RIPOR2: variants seen among roughly 807,000 people sequenced by gnomAD.
The protein encoded by RIPOR2 is rho family-interacting cell polarization regulator 2.
Under a neutral mutation model 114.5 loss-of-function variants are expected in RIPOR2, and 39 were observed. The ratio of observed to expected loss-of-function variants is 0.34; its 90% CI spans 0.26 to 0.44. RIPOR2 has a LOEUF of 0.44. Among genes scored for constraint, RIPOR2 ranks in the 20% least tolerant of loss-of-function variants. The probability of loss-of-function intolerance (pLI) is 1.00; values close to 1 mark genes in which losing one functional copy is unlikely to be tolerated. For missense variants in RIPOR2, 1,007 were observed against 1,255.1 expected (o/e 0.80, Z 2.99); for synonymous variants, 445 against 484.4 (o/e 0.92, Z 1.07).
chr6:24,893,187 G>A (rs1014227870), intron 1 of RIPOR2, among the ~76,000 whole-genome samples: 3 of 152,216 alleles, frequency 2.0e-5, no homozygotes, highest in South Asian at 2.1e-4. Flanking sequence ...GCCAATTTTT[G>A]TAACTGGGTG....
Position 25,009,206 on chromosome 6 carries a change from C to T in RIPOR2, c.76+32645G>A, listed in dbSNP as rs566703502. On this transcript the variant is annotated intron_variant, in intron 1 of 13. Transcript: ENST00000510784. ...CAAAGGGAAGAGGAGCTTACTAAGA[C>T]CAGTGTCAAAAACAGGAGAAGACCT... Among the ~76,000 whole-genome samples, 298 of 152,304 alleles carry T rather than the reference C, an allele frequency of 2.0e-3. 2 individuals are homozygous for T. The highest frequency in any genetic ancestry group is 2.2e-3 in the Non-Finnish European group (150 of 68,020).
At chr6:24,873,084 G>T in intron 3 of RIPOR2, 125 bp from the exon 4 acceptor site, 1 of 651,286 alleles carries the variant, frequency 1.5e-6, no homozygotes, top group Non-Finnish European at 2.7e-6. Flanking sequence ...TTGGGCAGGA[G>T]GCTTTGTATT....
At chr6:24,824,780 TTAG>T (rs1273687385) in intron 19 of RIPOR2, among the ~76,000 whole-genome samples, 9 of 152,214 alleles carry the variant, frequency 5.9e-5, no homozygotes, top group Non-Finnish European at 1.2e-4. Flanking sequence ...CATAATATTT[TTAG>T]AGTTGGACAC....
intron 1 of RIPOR2, among the ~76,000 whole-genome samples, chr6:24,881,831 C>T (rs542776224): frequency 2.6e-5 from 4 of 152,076 alleles, no homozygotes; most frequent in Middle Eastern, 3.4e-3. Flanking sequence ...TGGACAAGAA[C>T]ACTGAATCTG....
intron 1 of RIPOR2, among the ~76,000 whole-genome samples, chr6:24,924,367 G>C (rs369177416): frequency 2.0e-5 from 3 of 152,116 alleles, no homozygotes; most frequent in Non-Finnish European, 4.4e-5. Context: ...GTGTGAACTC[G>C]AAGCATCATA....
chr6:24,977,056 G>T (rs1774094288), intron 1 of RIPOR2: 2 of 1,385,768 alleles, frequency 1.4e-6, no homozygotes, highest in African/African-American at 1.4e-5. Flanking sequence ...CACCCCATTT[G>T]CTTGCAGTAT....
chr6:24,868,371 T>C lies in RIPOR2; in HGVS notation c.501+723A>G, dbSNP rs116143830. Among the ~76,000 whole-genome samples, 560 of 152,096 alleles carry C rather than the reference T, an allele frequency of 3.7e-3. 7 individuals carry two copies. Among genetic ancestry groups the C allele is most frequent in the Middle Eastern group, 0.02 (6 of 294 alleles). ...GAGAGATCTGCTAAAACTCCCAGGC[T>C]CCCCACTTGGAAGAGAGGCTGATAG... On this transcript the variant is annotated intron_variant, in intron 6 of 21. Transcript: ENST00000643898.
At chr6:24,949,689 G>A (rs1772647575) in intron 1 of RIPOR2, among the ~76,000 whole-genome samples, 1 of 152,180 alleles carries the variant, frequency 6.6e-6, no homozygotes, top group Non-Finnish European at 1.5e-5. Context: ...GAAACCCATG[G>A]TGGCAATGGG....
intron 1 of RIPOR2, among the ~76,000 whole-genome samples, chr6:24,899,776 A>G (rs1768227408): frequency 6.6e-6 from 1 of 151,866 alleles, no homozygotes; most frequent in Non-Finnish European, 1.5e-5. Context: ...TTTTTTCTCC[A>G]TTTTCCTCCC....
chr6:25,021,153 CCAG>C (rs1353259362), intron 1 of RIPOR2, among the ~76,000 whole-genome samples: 10 of 152,322 alleles, frequency 6.6e-5, no homozygotes, highest in Admixed American at 2.0e-4. Flanking sequence ...GCCACTGCAT[CCAG>C]CTAGTTTAAT....
At chr6:24,846,430 T>C (rs1762295214) in intron 12 of RIPOR2, among the ~76,000 whole-genome samples, 1 of 150,544 alleles carries the variant, frequency 6.6e-6, no homozygotes, top group Non-Finnish European at 1.5e-5. Flanking sequence ...TTCAGTCTCC[T>C]GGGTAGTTGG....
intron 1 of RIPOR2, among the ~76,000 whole-genome samples, chr6:25,012,245 T>G (rs1775804224): frequency 6.6e-6 from 1 of 152,186 alleles, no homozygotes; most frequent in Non-Finnish European, 1.5e-5. Flanking sequence ...CTTGAGAATG[T>G]GGAGAAATTG....
chr6:24,922,729 G>A (rs527735901), intron 1 of RIPOR2, among the ~76,000 whole-genome samples: 2 of 151,498 alleles, frequency 1.3e-5, no homozygotes, highest in African/African-American at 4.9e-5. Context: ...GTGTGTTGGC[G>A]TGCACCTGTA....
At chr6:24,811,621 G>A (rs1021850847) in intron 20 of RIPOR2, among the ~76,000 whole-genome samples, 10 of 151,222 alleles carry the variant, frequency 6.6e-5, no homozygotes, top group Non-Finnish European at 1.5e-4. Context: ...CATTGAAAGG[G>A]AAACATCCAT....
chr6:24,850,559 G>T, intron 10 of RIPOR2, 38 bp downstream of exon 10: 1 of 1,612,486 alleles, frequency 6.2e-7, no homozygotes, highest in East Asian at 2.2e-5. Flanking sequence ...ATCCAGCCGT[G>T]GCACCAGGAA....
rs556326544 is a variant in RIPOR2, at chr6:24,823,444, G to A, written c.2868+1782C>T. ...ATAAGACAGCTAAGTGATGCTGCAC[G>A]GTGCCTGGTGTTTAGGAAGTACACA... On this transcript the variant is annotated intron_variant, in intron 19 of 21. Coordinates refer to ENST00000643898, the MANE Select transcript of RIPOR2 (RefSeq NM_001286445.3). 3.9e-4 allele frequency among the ~76,000 whole-genome samples: 60 copies of A among 152,210 alleles called. No homozygotes were observed. In the Middle Eastern group the frequency reaches 0.014, roughly 35 times the overall value.
At chr6:24,867,824 A>G (rs1394874969) in intron 6 of RIPOR2, among the ~76,000 whole-genome samples, 1 of 152,230 alleles carries the variant, frequency 6.6e-6, no homozygotes, top group Non-Finnish European at 1.5e-5. Flanking sequence ...AAACTGATTA[A>G]TTGAATCATT....
At position 24,839,103 on chromosome 6, in the gene RIPOR2, G is replaced by A; in HGVS notation, c.2027C>T (p.Thr676Ile). The stretch of plus-strand genomic sequence containing the variant: ...ACTTCAGACTTACCTGTGTTTCTCA[G>A]TCTCAGTGTCTGAAAATACTGAGTC... Reference protein sequence around the residue: ...GADSVFSDTETEKHSYRSVHP... With the variant: ...GADSVFSDTEIEKHSYRSVHP... The change falls in exon 14 of 22, where the codon ACT becomes ATT. Residue 676 changes from threonine to isoleucine, a missense_variant. Thr to Ile is a moderately conservative substitution (Grantham distance 89, BLOSUM62 -1). Transcript: ENST00000643898. 6.4e-7 allele frequency: 1 copy of A among 1,551,304 alleles called. No individual in the cohort carries two copies. The highest frequency in any genetic ancestry group is 8.7e-7 in the Non-Finnish European group (1 of 1,146,678).
chr6:25,005,698 T>TAG lies in RIPOR2; in HGVS notation c.76+36152_76+36153insCT, dbSNP rs1775523127. On this transcript the variant is annotated intron_variant, in intron 1 of 13. Transcript: ENST00000510784. ...CAAAAATAAAATCCCTATGGAGATA[T>TAG]ATATATATATATATATATATATATA... Among the ~76,000 whole-genome samples the TAG allele has an allele frequency of 2.9e-4, 6 of 20,748 alleles. No homozygotes were observed. The South Asian group carries it at 4.5e-3, about 16-fold the overall frequency. 13.6% of individuals were successfully genotyped at this position (20,748 alleles called of 152,430 possible).
Sources: gnomAD v4.1 joint callset for allele counts (sites outside exome capture counted in the v4.1 genomes callset) on GRCh38, gnomAD v4.1.1 for gene constraint, MANE v1.5 for transcripts, NCBI Gene and HGNC (gene_info 2026-07-23, HGNC 2026-07-21) for gene names.